WIPF1: variants seen among roughly 807,000 people sequenced by gnomAD.
WIPF1 encodes WAS/WASL interacting protein family member 1.
WIPF1 carries 13 observed loss-of-function variants against 35.4 expected under a neutral mutation model. The observed-to-expected ratio is 0.37, with a 90% CI of 0.24 to 0.58. The LOEUF is 0.58. Among genes scored for constraint, WIPF1 ranks in the 20% least tolerant of loss-of-function variants. WIPF1 has a pLI of 0.74. For synonymous variants in WIPF1, 267 were observed against 266.3 expected (o/e 1.00, Z -0.02); for missense variants, 591 against 667.0 (o/e 0.89, Z 1.25).
intron 1 of WIPF1, among the ~76,000 whole-genome samples, chr2:174,660,269 T>C (rs912495925): frequency 6.6e-6 from 1 of 152,240 alleles, no homozygotes; most frequent in Non-Finnish European, 1.5e-5. Flanking sequence ...AGGGCCAGAC[T>C]GCCTGGGTCC....
chr2:174,604,410 A>G (rs1307195698), intron 1 of WIPF1, among the ~76,000 whole-genome samples: 1 of 152,220 alleles, frequency 6.6e-6, no homozygotes, highest in Non-Finnish European at 1.5e-5. Context: ...CACAAAGTCA[A>G]TGCTGTGCTG....
chr2:174,602,887 C>T (rs570308242), intron 1 of WIPF1, among the ~76,000 whole-genome samples: 7 of 152,290 alleles, frequency 4.6e-5, no homozygotes, highest in East Asian at 3.9e-4. Flanking sequence ...AGAATCATCC[C>T]GTGCTCACTC....
At chr2:174,615,398 G>A (rs1286504087) in intron 1 of WIPF1, among the ~76,000 whole-genome samples, 1 of 152,204 alleles carries the variant, frequency 6.6e-6, no homozygotes, top group African/African-American at 2.4e-5. Flanking sequence ...GCATGGTTAT[G>A]TATTTTAAGT....
chr2:174,618,180 A>G (rs973791955), intron 1 of WIPF1, among the ~76,000 whole-genome samples: 1 of 152,236 alleles, frequency 6.6e-6, no homozygotes, highest in Non-Finnish European at 1.5e-5. Flanking sequence ...TCTGAGATCA[A>G]CTAGAGCTGG....
At chr2:174,681,968 A>G (rs1289168840) in intron 1 of WIPF1, among the ~76,000 whole-genome samples, 1 of 152,222 alleles carries the variant, frequency 6.6e-6, no homozygotes, top group Non-Finnish European at 1.5e-5. Context: ...GCTCTTTGCG[A>G]TTAACAAAGG....
chr2:174,648,154 C>T (rs1471178225), intron 1 of WIPF1, among the ~76,000 whole-genome samples: 1 of 152,120 alleles, frequency 6.6e-6, no homozygotes, highest in Non-Finnish European at 1.5e-5. Flanking sequence ...AAACATCTCT[C>T]GAGATTTTAT....
At chr2:174,624,390 G>A (rs1686765268) in intron 1 of WIPF1, among the ~76,000 whole-genome samples, 1 of 152,144 alleles carries the variant, frequency 6.6e-6, no homozygotes, top group South Asian at 2.1e-4. Context: ...TACCTTTCCA[G>A]TCATAACCAC....
intron 4 of WIPF1, among the ~76,000 whole-genome samples, chr2:174,573,951 G>A (rs1018372689): frequency 2.0e-5 from 3 of 148,950 alleles, no homozygotes; most frequent in Non-Finnish European, 4.4e-5. Flanking sequence ...GTGCAGTGGT[G>A]CAATCACGGC....
intron 1 of WIPF1, among the ~76,000 whole-genome samples, chr2:174,670,349 A>C (rs1559178050): frequency 6.6e-6 from 1 of 152,188 alleles, no homozygotes; most frequent in Non-Finnish European, 1.5e-5. Context: ...CAGGGAGCAC[A>C]GGGAAAGCTT....
At chr2:174,657,206 T>C (rs1297982205) in intron 1 of WIPF1, among the ~76,000 whole-genome samples, 2 of 152,238 alleles carry the variant, frequency 1.3e-5, no homozygotes, top group Non-Finnish European at 2.9e-5. Context: ...AACTATGGCC[T>C]AAGCGAAGTA....
chr2:174,634,262 C>A (rs1356510752), intron 1 of WIPF1, among the ~76,000 whole-genome samples: 3 of 152,140 alleles, frequency 2.0e-5, no homozygotes, highest in Admixed American at 6.5e-5. Flanking sequence ...AAAGAACATC[C>A]GAAGTTTTGT....
intron 1 of WIPF1, among the ~76,000 whole-genome samples, chr2:174,634,288 G>C (rs1448734690): frequency 3.9e-5 from 6 of 152,208 alleles, no homozygotes; most frequent in Admixed American, 3.3e-4. Flanking sequence ...CAGAAGCAGA[G>C]AAGTTCTAAA....
At chr2:174,572,506 G>GC in intron 4 of WIPF1, 60 bp from the exon 5 acceptor site, 1 of 1,601,366 alleles carries the variant, frequency 6.2e-7, no homozygotes, top group Non-Finnish European at 8.5e-7. Flanking sequence ...AAATCAGAGA[G>GC]CTAGAGTCTG....
At chr2:174,658,977 A>G (rs1200075928) in intron 1 of WIPF1, among the ~76,000 whole-genome samples, 1 of 152,134 alleles carries the variant, frequency 6.6e-6, no homozygotes, top group African/African-American at 2.4e-5. Context: ...CCTCTGTTTC[A>G]ATATCTGGAA....
At position 174,574,953 on chromosome 2, in the gene WIPF1, T is replaced by TTA; in HGVS notation, c.358+250_358+251insTA. On this transcript the variant is annotated intron_variant, in intron 4 of 7. Coordinates refer to ENST00000679041, the MANE Select transcript of WIPF1 (RefSeq NM_001375834.1). ...CACTCCAGCTAACCCTTTAGAAAAG[T>TTA]AAAAAAAAAAAAATGTACAGGTTAC... is the stretch of plus-strand genomic sequence containing the variant. 5.7e-6 allele frequency: 4 copies of TTA among 703,930 alleles called. No homozygotes were observed. In the South Asian group the frequency reaches 6.1e-5, roughly 11 times the overall value. The allele number at this position is 703,930 out of a possible 1,614,324, so 43.6% of individuals were successfully genotyped here.
At chr2:174,627,027 T>C (rs561858073) in intron 1 of WIPF1, among the ~76,000 whole-genome samples, 4 of 152,284 alleles carry the variant, frequency 2.6e-5, no homozygotes, top group African/African-American at 9.6e-5. Context: ...CCTTGAATAC[T>C]CCAGGCATGT....
intron 5 of WIPF1, among the ~76,000 whole-genome samples, chr2:174,570,866 C>G (rs1684808676): frequency 6.6e-6 from 1 of 152,202 alleles, no homozygotes; most frequent in Non-Finnish European, 1.5e-5. Flanking sequence ...TCATCCATAA[C>G]CACTATAAAA....
intron 1 of WIPF1, among the ~76,000 whole-genome samples, chr2:174,671,495 G>A (rs1246070489): frequency 6.6e-6 from 1 of 152,180 alleles, no homozygotes; most frequent in Non-Finnish European, 1.5e-5. Flanking sequence ...CAATGTTCAG[G>A]GAACAAGGGA....
At chr2:174,621,111 C>T (rs748507761) in intron 1 of WIPF1, among the ~76,000 whole-genome samples, 3 of 152,042 alleles carry the variant, frequency 2.0e-5, no homozygotes, top group East Asian at 1.9e-4. Context: ...AATGGCAGTA[C>T]GGGGAAGGAC....
Sources: allele counts gnomAD v4.1 joint callset (sites outside exome capture counted in the v4.1 genomes callset), GRCh38; gene constraint gnomAD v4.1.1; transcripts MANE v1.5; gene names NCBI Gene and HGNC (gene_info 2026-07-23, HGNC 2026-07-21).